Variants in PDE4B observed in about 807,000 individuals in gnomAD.
PDE4B encodes 3',5'-cyclic-AMP phosphodiesterase 4B.
Under a neutral mutation model 82.2 loss-of-function variants are expected in PDE4B, and 20 were observed. The ratio of observed to expected loss-of-function variants is 0.24; its 90% CI spans 0.17 to 0.35. The LOEUF (loss-of-function observed/expected upper bound fraction) is 0.35, where lower values mean the gene tolerates loss of function less well. Among genes scored for constraint, PDE4B ranks in the 10% least tolerant of loss-of-function variants. The pLI is 1.00. For missense variants in PDE4B, 655 were observed against 907.2 expected (o/e 0.72, Z 3.57); for synonymous variants, 320 against 318.9 (o/e 1.00, Z -0.04).
chr1:66,244,865 G>C (rs548568568), intron 3 of PDE4B, among the ~76,000 whole-genome samples: 1 of 152,352 alleles, frequency 6.6e-6, no homozygotes, highest in South Asian at 2.1e-4. Flanking sequence ...TCTAACCCCA[G>C]TTTACCTGGC....
intron 3 of PDE4B, among the ~76,000 whole-genome samples, chr1:65,951,469 T>TA (rs1260702863): frequency 2.0e-5 from 3 of 152,026 alleles, no homozygotes; most frequent in African/African-American, 7.2e-5. Flanking sequence ...TTTGATCCAG[T>TA]AAAAAAAGTG....
chr1:66,288,175 G>A (rs1428072023), intron 7 of PDE4B, among the ~76,000 whole-genome samples: 2 of 151,976 alleles, frequency 1.3e-5, no homozygotes. Context: ...AGGTGAAGGG[G>A]AAGCAGGCAT....
At chr1:66,276,842 G>A (rs555524327) in intron 7 of PDE4B, among the ~76,000 whole-genome samples, 2 of 152,182 alleles carry the variant, frequency 1.3e-5, no homozygotes, top group Admixed American at 1.3e-4. Flanking sequence ...TATGATATTG[G>A]CTCACTTTTT....
At chr1:65,957,373 T>C (rs915667615) in intron 3 of PDE4B, among the ~76,000 whole-genome samples, 5 of 152,086 alleles carry the variant, frequency 3.3e-5, no homozygotes, top group Non-Finnish European at 1.5e-5. Context: ...ATGCCATGTC[T>C]GTTACACAGC....
At chr1:66,190,766 C>T (rs1315216285) in intron 3 of PDE4B, among the ~76,000 whole-genome samples, 2 of 152,068 alleles carry the variant, frequency 1.3e-5, no homozygotes, top group Non-Finnish European at 2.9e-5. Context: ...AAAGGGAATT[C>T]CCTGACTCCG....
intron 7 of PDE4B, among the ~76,000 whole-genome samples, chr1:66,274,813 T>G (rs1339714175): frequency 1.3e-5 from 2 of 152,228 alleles, no homozygotes. Flanking sequence ...CAATGTGTGG[T>G]AGCTAAGATC....
At chr1:66,145,866 T>C (rs1205963590) in intron 3 of PDE4B, among the ~76,000 whole-genome samples, 3 of 152,216 alleles carry the variant, frequency 2.0e-5, no homozygotes, top group Admixed American at 2.0e-4. Flanking sequence ...AATTATTTCC[T>C]CAAAGTGATA....
At chr1:65,884,864 T>C (rs1646753680) in intron 1 of PDE4B, among the ~76,000 whole-genome samples, 1 of 152,082 alleles carries the variant, frequency 6.6e-6, no homozygotes, top group African/African-American at 2.4e-5. Context: ...ACAAATGGGA[T>C]CTAATTAAAC....
chr1:66,215,762 C>T (rs957026882), intron 3 of PDE4B, among the ~76,000 whole-genome samples: 5 of 152,096 alleles, frequency 3.3e-5, no homozygotes, highest in African/African-American at 9.7e-5. Flanking sequence ...TGAACAGTTA[C>T]CTAAGTATAT....
intron 3 of PDE4B, among the ~76,000 whole-genome samples, chr1:66,207,453 C>T (rs896559342): frequency 3.9e-5 from 6 of 152,136 alleles, no homozygotes; most frequent in African/African-American, 1.4e-4. Flanking sequence ...AATTTCCCAT[C>T]AGTTAAGACC....
chr1:66,083,742 TTTTGGAAAATCACTAACTC>T (rs1408244503), intron 3 of PDE4B, among the ~76,000 whole-genome samples: 1 of 152,156 alleles, frequency 6.6e-6, no homozygotes, highest in African/African-American at 2.4e-5. Context: ...GTTCTATCTG[TTTTGGAAAATCACTAACTC>T]TTTGGAAAAT....
At position 66,114,639 on chromosome 1, in the gene PDE4B, T is replaced by A. The variant is rs564378120; in HGVS notation, c.282-132821T>A. Among the ~76,000 whole-genome samples, 14 of 150,106 alleles carry A rather than the reference T, an allele frequency of 9.3e-5. No individual in the cohort carries two copies. In the South Asian group the frequency reaches 1.3e-3, roughly 14 times the overall value. On this transcript the variant is annotated intron_variant, in intron 3 of 16. Coordinates refer to ENST00000341517, the MANE Select transcript of PDE4B (RefSeq NM_002600.4). ...TGCATACAGTAGCCCACAATTTTTT[T>A]TTTTTTTTTTTTTTGAGACGGAGTC...
At chr1:66,349,368 C>T (rs1205495905) in intron 8 of PDE4B, among the ~76,000 whole-genome samples, 1 of 152,108 alleles carries the variant, frequency 6.6e-6, no homozygotes, top group Non-Finnish European at 1.5e-5. Context: ...TACTACGTTG[C>T]TGAGCAGTTA....
intron 3 of PDE4B, among the ~76,000 whole-genome samples, chr1:66,055,796 A>G (rs1465687855): frequency 6.6e-6 from 1 of 152,214 alleles, no homozygotes; most frequent in Non-Finnish European, 1.5e-5. Context: ...AGATATAAAT[A>G]TAGCACACTC....
chr1:66,331,021 C>T (rs75692785), intron 7 of PDE4B, among the ~76,000 whole-genome samples: 3,095 of 152,080 alleles, frequency 0.02, 88 homozygotes, highest in African/African-American at 0.07. Context: ...ATGAATATTT[C>T]GGGGATAAAC....
At chr1:66,279,332 G>A (rs975179341) in intron 7 of PDE4B, among the ~76,000 whole-genome samples, 2 of 152,158 alleles carry the variant, frequency 1.3e-5, no homozygotes, top group Admixed American at 6.5e-5. Context: ...GGAAGGAGGA[G>A]TACTTGTGTG....
intron 1 of PDE4B, among the ~76,000 whole-genome samples, chr1:65,886,523 A>G (rs775846578): frequency 1.3e-5 from 2 of 152,058 alleles, no homozygotes; most frequent in African/African-American, 2.4e-5. Context: ...ACCTCTTTTT[A>G]TCTCCCTACC....
chr1:66,319,015 A>C (rs1217889350), intron 7 of PDE4B, among the ~76,000 whole-genome samples: 1 of 152,256 alleles, frequency 6.6e-6, no homozygotes. Context: ...TGTTTGCAGA[A>C]GAAAATCAGT....
intron 3 of PDE4B, among the ~76,000 whole-genome samples, chr1:65,962,970 A>C (rs1276964643): frequency 6.6e-6 from 1 of 152,188 alleles, no homozygotes; most frequent in Non-Finnish European, 1.5e-5. Context: ...CCCAGGAAAC[A>C]ACAGCAACAA....
Sources: allele counts gnomAD v4.1 joint callset (sites outside exome capture counted in the v4.1 genomes callset), GRCh38; gene constraint gnomAD v4.1.1; transcripts MANE v1.5; gene names NCBI Gene and HGNC (gene_info 2026-07-23, HGNC 2026-07-21).